The following SLC9C1 variants were observed in gnomAD, a reference collection of about 807,000 sequenced individuals.
SLC9C1 encodes solute carrier family 9 member C1.
SLC9C1 carries 97 observed loss-of-function variants against 140.9 expected under a neutral mutation model. That is an observed-to-expected ratio of 0.69 (90% CI 0.58 to 0.82). The LOEUF (loss-of-function observed/expected upper bound fraction) is 0.82, where lower values mean the gene tolerates loss of function less well. Among genes scored for constraint, SLC9C1 ranks in the 40% least tolerant of loss-of-function variants. SLC9C1 has a pLI of 0.00. For missense variants in SLC9C1, 1,340 were observed against 1,389.3 expected (o/e 0.96, Z 0.56); for synonymous variants, 440 against 442.6 (o/e 0.99, Z 0.07).
At chr3:112,146,573 A>G (rs919845205) in intron 28 of SLC9C1, among the ~76,000 whole-genome samples, 6 of 152,202 alleles carry the variant, frequency 3.9e-5, no homozygotes, top group East Asian at 1.9e-4. Context: ...TTACTCAAAC[A>G]TCATTCAGAA....
intron 20 of SLC9C1, among the ~76,000 whole-genome samples, chr3:112,197,944 A>G (rs1407437243): frequency 6.6e-6 from 1 of 152,110 alleles, no homozygotes; most frequent in Non-Finnish European, 1.5e-5. Flanking sequence ...CTGCTTTTGT[A>G]AACAGTATTT....
At chr3:112,184,463 C>T (rs943621001) in intron 20 of SLC9C1, among the ~76,000 whole-genome samples, 2 of 139,274 alleles carry the variant, frequency 1.4e-5, no homozygotes, top group Non-Finnish European at 3.1e-5. Context: ...CATGATGAAA[C>T]CCCATCTCTA....
chr3:112,177,439 C>T (rs923050106), intron 23 of SLC9C1, among the ~76,000 whole-genome samples: 2 of 151,692 alleles, frequency 1.3e-5, no homozygotes, highest in African/African-American at 2.4e-5. Flanking sequence ...GGTCTTTCTC[C>T]GTGTAAGACT....
chr3:112,238,120 A>T (rs924863697), intron 12 of SLC9C1, among the ~76,000 whole-genome samples: 3 of 152,126 alleles, frequency 2.0e-5, no homozygotes, highest in Non-Finnish European at 1.5e-5. Flanking sequence ...TGGTCTTTTC[A>T]CATAGTCCCA....
intron 20 of SLC9C1, 139 bp downstream of exon 20, chr3:112,199,182 G>T: frequency 3.1e-6 from 2 of 654,250 alleles, no homozygotes; most frequent in Non-Finnish European, 4.6e-6. Context: ...TATCATAGGA[G>T]TTTGTCTTCA....
chr3:112,203,966 G>T (rs2077975342), intron 17 of SLC9C1, among the ~76,000 whole-genome samples: 1 of 151,840 alleles, frequency 6.6e-6, no homozygotes, highest in Admixed American at 6.6e-5. Flanking sequence ...TTTCTCATGT[G>T]CTGTCTATTT....
At chr3:112,249,950 A>G (rs1057061553) in intron 10 of SLC9C1, among the ~76,000 whole-genome samples, 1 of 152,090 alleles carries the variant, frequency 6.6e-6, no homozygotes, top group African/African-American at 2.4e-5. Flanking sequence ...TTTAGGGTAC[A>G]TGTGCACAAC....
intron 20 of SLC9C1, among the ~76,000 whole-genome samples, chr3:112,191,179 A>G (rs1213476572): frequency 6.6e-6 from 1 of 152,048 alleles, no homozygotes; most frequent in South Asian, 2.1e-4. Context: ...TTTCTTTCCT[A>G]TGAGGATGCT....
In SLC9C1 at chr3:112,240,026, T is replaced by C. The variant is rs376756982; in HGVS notation, c.1280-20A>G. The C allele has an allele frequency of 1.3e-5, 21 of 1,591,672 alleles. 1 individual carries two copies. The African/African-American group carries it at 2.2e-4, about 16-fold the overall frequency. On this transcript the variant is annotated intron_variant, in intron 11 of 28. Transcript: ENST00000305815. ...GAAGACCTTTGATACAAACACACAT[T>C]TGATAAATAGTAGAAACACCACAAT...
chr3:112,169,490 G>C (rs1207294931), intron 23 of SLC9C1, among the ~76,000 whole-genome samples, 162 bp from the exon 24 acceptor site: 3 of 152,132 alleles, frequency 2.0e-5, no homozygotes, highest in African/African-American at 4.8e-5. Flanking sequence ...ATGAAAATTG[G>C]TGTGTCCTTT....
intron 11 of SLC9C1, 49 bp from the exon 12 acceptor site, chr3:112,240,055 G>T (rs747185747): frequency 4.3e-5 from 65 of 1,516,300 alleles, no homozygotes; most frequent in African/African-American, 2.1e-4. Context: ...CCACAATTTT[G>T]ATATGGGTTA....
chr3:112,147,609 C>A, intron 28 of SLC9C1: 1 of 322,904 alleles, frequency 3.1e-6, no homozygotes, highest in Non-Finnish European at 6.1e-6. Flanking sequence ...AATATAGATC[C>A]CCAGTCTCTC....
intron 10 of SLC9C1, among the ~76,000 whole-genome samples, chr3:112,248,440 T>A (rs980394592): frequency 1.3e-5 from 2 of 152,236 alleles, no homozygotes; most frequent in African/African-American, 4.8e-5. Flanking sequence ...TAGCCATAGA[T>A]AATGATAACT....
chr3:112,282,514 C>T (rs969128320), intron 2 of SLC9C1, among the ~76,000 whole-genome samples: 1 of 152,328 alleles, frequency 6.6e-6, no homozygotes, highest in African/African-American at 2.4e-5. Flanking sequence ...TGCTCCTGTT[C>T]GTCCCTCTCA....
chr3:112,266,748 A>G (rs1197892552), intron 7 of SLC9C1, among the ~76,000 whole-genome samples: 1 of 152,230 alleles, frequency 6.6e-6, no homozygotes, highest in African/African-American at 2.4e-5. Context: ...TTTTAATACT[A>G]AAGAATATTG....
chr3:112,148,766 G>T (rs976131796), intron 28 of SLC9C1, among the ~76,000 whole-genome samples: 10 of 152,204 alleles, frequency 6.6e-5, no homozygotes, highest in African/African-American at 2.2e-4. Flanking sequence ...AGGGGATGGG[G>T]AGTAGGAGCC....
At chr3:112,208,518 G>T in intron 15 of SLC9C1, 145 bp from the exon 16 acceptor site, 1 of 460,404 alleles carries the variant, frequency 2.2e-6, no homozygotes, top group Non-Finnish European at 3.7e-6. Context: ...ACACGTTCTG[G>T]CATCCCACTT....
At chr3:112,263,294 A>ATTCT (rs1218174297) in intron 9 of SLC9C1, among the ~76,000 whole-genome samples, 196 bp from the exon 10 acceptor site, 3 of 151,888 alleles carry the variant, frequency 2.0e-5, no homozygotes, top group South Asian at 2.1e-4. Context: ...GAATGGTATT[A>ATTCT]TTCTTTCTTT....
At chr3:112,181,989 T>C (rs1187580037) in intron 21 of SLC9C1, 144 bp downstream of exon 21, 13 of 761,016 alleles carry the variant, frequency 1.7e-5, no homozygotes, top group Non-Finnish European at 2.5e-5. Flanking sequence ...TTGCATATTA[T>C]TCAAAAGGAT....
Sources: gnomAD v4.1 joint callset for allele counts (sites outside exome capture counted in the v4.1 genomes callset) on GRCh38, gnomAD v4.1.1 for gene constraint, MANE v1.5 for transcripts, NCBI Gene and HGNC (gene_info 2026-07-23, HGNC 2026-07-21) for gene names.